The following PPP1R13B variants were observed in gnomAD, a reference collection of about 807,000 sequenced individuals.
PPP1R13B encodes the protein protein phosphatase 1 regulatory subunit 13B.
Under a neutral mutation model 119.8 loss-of-function variants are expected in PPP1R13B, and 44 were observed. The ratio of observed to expected loss-of-function variants is 0.37; its 90% CI spans 0.29 to 0.47. The LOEUF is 0.47. PPP1R13B is among the 20% of genes least tolerant of loss of function. PPP1R13B has a pLI of 0.99. For missense variants in PPP1R13B, 1,227 were observed against 1,413.5 expected (o/e 0.87, Z 2.12); for synonymous variants, 542 against 561.5 (o/e 0.97, Z 0.49).
upstream of PPP1R13B, chr14:103,847,589 C>G (rs1323012873): frequency 7.1e-6 from 7 of 986,442 alleles, no homozygotes; most frequent in African/African-American, 1.8e-5. Flanking sequence ...GCCCGCCCGC[C>G]CGGCTCGCTC....
In PPP1R13B at chr14:103,740,076, T is replaced by A; in HGVS notation, c.2340A>T (p.Pro780=). 6.2e-7 allele frequency: 1 copy of A among 1,612,334 alleles called. No homozygotes were observed. Among genetic ancestry groups the A allele is most frequent in the South Asian group, 1.1e-5 (1 of 91,012 alleles). ...ATGACGGGGCAGGCTCAGCGGGGAG[T>A]GGGGCTGTGGGCTGGGCAGGGGGGA... ...EELPPAQPTA[P]LPAEPAPSSD... Residue 780 remains proline, a synonymous_variant, in exon 12 of 17, where the codon CCA becomes CCT. Coordinates refer to ENST00000202556, the MANE Select transcript of PPP1R13B (RefSeq NM_015316.3). The surrounding 1 kb of genome is among the most constrained non-coding windows in gnomAD (Gnocchi z 4.6).
At chr14:103,794,891 C>T (rs942576361) in intron 2 of PPP1R13B, among the ~76,000 whole-genome samples, 6 of 152,168 alleles carry the variant, frequency 3.9e-5, no homozygotes, top group African/African-American at 1.4e-4. Flanking sequence ...GACAAGTTCC[C>T]GCCTTCAGGA....
At chr14:103,790,380 A>G (rs551053179) in intron 2 of PPP1R13B, among the ~76,000 whole-genome samples, 47 of 152,262 alleles carry the variant, frequency 3.1e-4, no homozygotes, top group African/African-American at 7.5e-4. Flanking sequence ...CCTAAAATTC[A>G]TATGTTGAAA....
chr14:103,780,917 C>T (rs1595762973), intron 3 of PPP1R13B, among the ~76,000 whole-genome samples: 1 of 152,084 alleles, frequency 6.6e-6, no homozygotes, highest in Non-Finnish European at 1.5e-5. Flanking sequence ...CAATAAGCTA[C>T]TCTCTATGCC....
chr14:103,806,016 G>A (rs1295913745), intron 1 of PPP1R13B, among the ~76,000 whole-genome samples: 1 of 152,084 alleles, frequency 6.6e-6, no homozygotes. Context: ...TAAACTTTAC[G>A]GCACATAAAT....
At chr14:103,791,474 C>T (rs2085619464) in intron 2 of PPP1R13B, among the ~76,000 whole-genome samples, 1 of 152,212 alleles carries the variant, frequency 6.6e-6, no homozygotes, top group African/African-American at 2.4e-5. Flanking sequence ...CGCCTATAAT[C>T]CCAGCACTTT....
intron 7 of PPP1R13B, among the ~76,000 whole-genome samples, chr14:103,752,034 G>T (rs1187161248): frequency 6.6e-6 from 1 of 152,116 alleles, no homozygotes; most frequent in East Asian, 1.9e-4. Context: ...CCGCATACAG[G>T]GTGTGTTTTG....
At position 103,736,169 on chromosome 14, in the gene PPP1R13B, C is replaced by A; in HGVS notation, c.3065G>T (p.Gly1022Val). ...GTAGTCCCACAGAGCATACGCCACA[C>A]CTTTGTTCATCACACCCAGCTTTTC... Reference protein sequence around the residue: ...VQEKLGVMNKGVAYALWDYEA... With the variant: ...VQEKLGVMNKVVAYALWDYEA... Residue 1022 changes from glycine (G) to valine (V), a missense_variant, in exon 16 of 17, where the codon GGT becomes GTT. Coordinates refer to ENST00000202556, the MANE Select transcript of PPP1R13B (RefSeq NM_015316.3). The A allele has an allele frequency of 6.2e-7, 1 of 1,614,152 alleles. No homozygotes were observed. The highest frequency in any genetic ancestry group is 8.5e-7 in the Non-Finnish European group (1 of 1,180,006).
At chr14:103,818,695 C>T (rs1487793186) in intron 1 of PPP1R13B, among the ~76,000 whole-genome samples, 4 of 152,116 alleles carry the variant, frequency 2.6e-5, no homozygotes, top group African/African-American at 7.2e-5. Context: ...CATGCTGACT[C>T]AACTAAGAAA....
intron 1 of PPP1R13B, among the ~76,000 whole-genome samples, chr14:103,837,911 G>A (rs1449056214): frequency 5.9e-5 from 9 of 152,096 alleles, no homozygotes; most frequent in Non-Finnish European, 2.9e-5. Flanking sequence ...CTGAGGTCAG[G>A]AGTTCAAGAC....
chr14:103,770,564 C>T (rs956368373), intron 4 of PPP1R13B, among the ~76,000 whole-genome samples: 14 of 151,844 alleles, frequency 9.2e-5, no homozygotes, highest in African/African-American at 3.1e-4. Flanking sequence ...CACATTTATA[C>T]CCAAGGCAAG....
At chr14:103,846,786 A>AATTCCCT (rs2087048041) in intron 1 of PPP1R13B, 2 of 457,408 alleles carry the variant, frequency 4.4e-6, no homozygotes, top group Admixed American at 4.7e-5. Context: ...AACATTGCAG[A>AATTCCCT]TACGGGAAAA....
rs1432737275 is a variant in PPP1R13B at position 103,757,892 on chromosome 14, A to G, written c.355-141T>C. 6 of 552,986 alleles carry G rather than the reference A, an allele frequency of 1.1e-5. No individual in the cohort carries two copies. In the African/African-American group the frequency reaches 1.2e-4, roughly 11 times the overall value. The allele number at this position is 552,986 out of a possible 1,614,324, so 34.3% of individuals were successfully genotyped here. ...ACCAACTAGTTTATTTTCTTGTAAGAACTTTTCCTAATTGTTGACTGCTTT... is the reference window on the plus strand; with the variant it reads ...ACCAACTAGTTTATTTTCTTGTAAGGACTTTTCCTAATTGTTGACTGCTTT... On this transcript the variant is annotated intron_variant, in intron 4 of 16. Coordinates refer to ENST00000202556, the MANE Select transcript of PPP1R13B (RefSeq NM_015316.3).
At chr14:103,847,271 C>T in intron 1 of PPP1R13B, 28 bp downstream of exon 1, 2 of 1,199,136 alleles carry the variant, frequency 1.7e-6, no homozygotes, top group South Asian at 2.1e-5. Context: ...GAGGAAGCCG[C>T]CGCCACCTCC....
intron 1 of PPP1R13B, among the ~76,000 whole-genome samples, chr14:103,810,182 C>T (rs1000597203): frequency 2.0e-5 from 3 of 149,682 alleles, no homozygotes; most frequent in Non-Finnish European, 3.0e-5. Flanking sequence ...CCAGCACTTT[C>T]GGAGGCTGAG....
intron 2 of PPP1R13B, among the ~76,000 whole-genome samples, chr14:103,793,670 A>G (rs775174083): frequency 3.3e-5 from 5 of 151,924 alleles, no homozygotes; most frequent in Non-Finnish European, 7.3e-5. Context: ...AATCTATTAT[A>G]AGACTTTTAG....
rs992453805 is a variant in PPP1R13B, at chr14:103,778,518, C to T, written c.354+227G>A. 6.2e-5 allele frequency: 28 copies of T among 453,054 alleles called. No individual in the cohort carries two copies. The East Asian group carries it at 1.1e-3, about 17-fold the overall frequency. 28.1% of individuals were successfully genotyped at this position (453,054 alleles called of 1,614,324 possible). On this transcript the variant is annotated intron_variant, in intron 4 of 16. Transcript: ENST00000202556. ...CTCGTGATCTGTGCGCCTCAGTCTC[C>T]CAAAGTGCTAGGATTACATGTGTGA...
intron 4 of PPP1R13B, among the ~76,000 whole-genome samples, chr14:103,777,751 T>C (rs898126822): frequency 6.6e-6 from 1 of 151,390 alleles, no homozygotes; most frequent in Non-Finnish European, 1.5e-5. Context: ...AAAATAATTA[T>C]TTAAAAATAA....
chr14:103,848,617 C>T (rs535776088), upstream of PPP1R13B: 20 of 533,738 alleles, frequency 3.7e-5, no homozygotes, highest in South Asian at 9.7e-4. Flanking sequence ...CGTAAGCCGC[C>T]CTGGGAAGCG....
Sources: allele counts gnomAD v4.1 joint callset (sites outside exome capture counted in the v4.1 genomes callset), GRCh38; gene constraint gnomAD v4.1.1; non-coding constraint Gnocchi (gnomAD v3.1); transcripts MANE v1.5; gene names NCBI Gene and HGNC (gene_info 2026-07-23, HGNC 2026-07-21).